The following ASTN2 variants were observed in gnomAD, a reference collection of about 807,000 sequenced individuals.
ASTN2 encodes the protein astrotactin 2, also known as astrotactin-2.
Under a neutral mutation model 139.8 loss-of-function variants are expected in ASTN2, and 54 were observed. That is an observed-to-expected ratio of 0.39 (90% CI 0.31 to 0.48). ASTN2 has a LOEUF of 0.48. Among genes scored for constraint, ASTN2 ranks in the 20% least tolerant of loss-of-function variants. ASTN2 has a pLI of 0.95. For missense variants in ASTN2, 1,565 were observed against 1,725.1 expected, an observed-to-expected ratio of 0.91 and a Z score of 1.64; for synonymous variants, 756 against 719.5, an observed-to-expected ratio of 1.05 and a Z score of -0.81.
chr9:116,977,341 C>T (rs1836370332), intron 7 of ASTN2, among the ~76,000 whole-genome samples: 2 of 151,538 alleles, frequency 1.3e-5, no homozygotes, highest in African/African-American at 4.9e-5. Flanking sequence ...AATTATTTTT[C>T]CTCTCCTCCC....
chr9:117,298,670 G>GTATATATATATATATATATATGTATATA (rs1834795900), intron 1 of ASTN2, among the ~76,000 whole-genome samples: 1 of 136,466 alleles, frequency 7.3e-6, no homozygotes, highest in Non-Finnish European at 1.5e-5. Flanking sequence ...ATATATATGT[G>GTATATATATATATATATATATGTATATA]TATATATATA....
At chr9:116,775,014 A>G (rs1313097423) in intron 13 of ASTN2, among the ~76,000 whole-genome samples, 1 of 152,176 alleles carries the variant, frequency 6.6e-6, no homozygotes, top group Non-Finnish European at 1.5e-5. Flanking sequence ...CTGAGCTCTG[A>G]AAGCCATCAT....
intron 1 of ASTN2, among the ~76,000 whole-genome samples, chr9:117,376,788 ACATTG>A (rs1197107392): frequency 2.0e-5 from 3 of 152,188 alleles, no homozygotes; most frequent in African/African-American, 4.8e-5. Context: ...GTGGTGTCCA[ACATTG>A]CATCTAGCAC....
chr9:117,067,368 C>G (rs1229780477), intron 5 of ASTN2, among the ~76,000 whole-genome samples: 3 of 132,358 alleles, frequency 2.3e-5, no homozygotes, highest in Non-Finnish European at 3.4e-5. Flanking sequence ...TGATCTATAT[C>G]TCTGTTTTGG....
chr9:116,488,036 G>C (rs1849397250), intron 19 of ASTN2, among the ~76,000 whole-genome samples: 1 of 152,196 alleles, frequency 6.6e-6, no homozygotes, highest in African/African-American at 2.4e-5. Context: ...AAGGAGTAAA[G>C]AGTTCTGTGA....
intron 1 of ASTN2, among the ~76,000 whole-genome samples, chr9:117,372,213 G>C (rs1014989272): frequency 1.1e-4 from 16 of 152,146 alleles, no homozygotes; most frequent in African/African-American, 3.1e-4. Flanking sequence ...TATGTCCTTG[G>C]CACATTAGCC....
intron 10 of ASTN2, among the ~76,000 whole-genome samples, chr9:116,967,177 G>A (rs1836035676): frequency 6.6e-6 from 1 of 152,190 alleles, no homozygotes; most frequent in Non-Finnish European, 1.5e-5. Flanking sequence ...TAGTATTGAT[G>A]ACTATGGGGC....
chr9:116,968,261 A>C (rs2132514366), intron 10 of ASTN2, among the ~76,000 whole-genome samples: 1 of 152,276 alleles, frequency 6.6e-6, no homozygotes, highest in Non-Finnish European at 1.5e-5. Flanking sequence ...TTACACAGTG[A>C]AGTACCTGGT....
intron 10 of ASTN2, among the ~76,000 whole-genome samples, chr9:116,937,850 G>C (rs1340056486): frequency 6.6e-6 from 1 of 152,196 alleles, no homozygotes; most frequent in Non-Finnish European, 1.5e-5. Flanking sequence ...AGATAAATGT[G>C]ACATCTTTTC....
intron 5 of ASTN2, among the ~76,000 whole-genome samples, chr9:117,047,407 G>A (rs1010181803): frequency 2.0e-5 from 3 of 151,888 alleles, no homozygotes; most frequent in Admixed American, 6.6e-5. Context: ...GTCTGACTAC[G>A]GCACTCTCAA....
chr9:116,477,075 C>T (rs1249112914), intron 20 of ASTN2, among the ~76,000 whole-genome samples: 1 of 152,012 alleles, frequency 6.6e-6, no homozygotes, highest in Admixed American at 6.6e-5. Flanking sequence ...GCAGTCTGTG[C>T]CCTGTCCCTC....
At chr9:117,085,515 C>A (rs185421703) in intron 5 of ASTN2, among the ~76,000 whole-genome samples, 3 of 152,294 alleles carry the variant, frequency 2.0e-5, no homozygotes, top group Non-Finnish European at 4.4e-5. Context: ...CCCTGCACAG[C>A]ACTGGAAGTC....
chr9:117,238,433 A>G (rs920138575), intron 2 of ASTN2, among the ~76,000 whole-genome samples: 1 of 152,176 alleles, frequency 6.6e-6, no homozygotes, highest in East Asian at 1.9e-4. Context: ...TTTCCTATCT[A>G]CAAAGGAGAG....
chr9:117,117,974 A>T (rs556662910), intron 4 of ASTN2, among the ~76,000 whole-genome samples: 8 of 152,092 alleles, frequency 5.3e-5, no homozygotes, highest in Non-Finnish European at 1.0e-4. Flanking sequence ...TCACCGTTAT[A>T]TTAAAAAAAT....
chr9:116,614,851 A>G (rs1855755549), intron 19 of ASTN2, among the ~76,000 whole-genome samples: 1 of 152,240 alleles, frequency 6.6e-6, no homozygotes, highest in Admixed American at 6.5e-5. Context: ...AGCAATGGCA[A>G]CACAAGCCAA....
At chr9:117,274,349 CA>C (rs199581935) in intron 2 of ASTN2, among the ~76,000 whole-genome samples, 15 of 150,810 alleles carry the variant, frequency 9.9e-5, no homozygotes, top group Admixed American at 5.3e-4. Context: ...GACTCCGTCT[CA>C]AAAAAAAATA....
intron 5 of ASTN2, among the ~76,000 whole-genome samples, chr9:117,066,014 AT>A (rs1342395177): frequency 2.6e-5 from 2 of 76,784 alleles, no homozygotes; most frequent in East Asian, 4.2e-4. Context: ...CTCCCATTTT[AT>A]CTTTTTTTTT....
chr9:116,887,967 C>T (rs1180186050), intron 10 of ASTN2, among the ~76,000 whole-genome samples: 1 of 152,024 alleles, frequency 6.6e-6, no homozygotes, highest in African/African-American at 2.4e-5. Flanking sequence ...TGTGCCCAGC[C>T]CCAATGTGAT....
chr9:117,346,336 G>C lies in ASTN2; in HGVS notation c.443-54823C>G, dbSNP rs543320010. On this transcript the variant is annotated intron_variant, in intron 1 of 22. Coordinates refer to ENST00000313400, the MANE Select transcript of ASTN2 (RefSeq NM_001365068.1). ...TTTCTTGGACAAATGTTGTGTAAAT[G>C]CTTGGTCAGGTTCAGGATCCAGTAG... is the stretch of plus-strand genomic sequence containing the variant. 2.0e-5 allele frequency among the ~76,000 whole-genome samples: 3 copies of C among 152,292 alleles called. No homozygotes were observed. In the East Asian group the frequency reaches 5.8e-4, roughly 29 times the overall value.
Sources: allele counts gnomAD v4.1 joint callset (sites outside exome capture counted in the v4.1 genomes callset), GRCh38; gene constraint gnomAD v4.1.1; transcripts MANE v1.5; gene names NCBI Gene and HGNC (gene_info 2026-07-23, HGNC 2026-07-21).